The following ESRRB variants were observed in gnomAD, a reference collection of about 807,000 sequenced individuals.
ESRRB encodes steroid hormone receptor ERR2.
A neutral mutation model predicts 46.0 loss-of-function variants in ESRRB; 16 were observed. The ratio of observed to expected loss-of-function variants is 0.35; its 90% CI spans 0.24 to 0.53. The LOEUF (loss-of-function observed/expected upper bound fraction) is 0.53, where lower values mean the gene tolerates loss of function less well. Ranked by LOEUF, ESRRB falls within the 20% of genes least tolerant of loss-of-function variation. The pLI, the probability that ESRRB is intolerant of heterozygous loss-of-function variation, is 0.93. For synonymous variants in ESRRB, 246 were observed against 259.6 expected (o/e 0.95, Z 0.50); for missense variants, 488 against 607.4 (o/e 0.80, Z 2.07).
chr14:76,400,069 G>A (rs1566877020), intron 1 of ESRRB, among the ~76,000 whole-genome samples: 1 of 152,194 alleles, frequency 6.6e-6, no homozygotes, highest in Non-Finnish European at 1.5e-5. Context: ...CTTTGGCTGG[G>A]AGGGCCGAAT....
At chr14:76,478,416 C>T (rs1889667055) in intron 3 of ESRRB, among the ~76,000 whole-genome samples, 1 of 148,354 alleles carries the variant, frequency 6.7e-6, no homozygotes, top group South Asian at 2.2e-4. Context: ...CATCTCCTTG[C>T]CTTGCCGAGG....
chr14:76,498,462 C>A lies in ESRRB; in HGVS notation c.*4C>A. 6.2e-7 allele frequency: 1 copy of A among 1,613,212 alleles called. No individual in the cohort carries two copies. The highest frequency in any genetic ancestry group is 8.5e-7 in the Non-Finnish European group (1 of 1,180,004). On this transcript the variant is annotated 3_prime_UTR_variant, in exon 7 of 7. Coordinates refer to ENST00000644823, the MANE Select transcript of ESRRB (RefSeq NM_001379180.1). ...GATGCTGGAGGCCAAGGTGTGATGG[C>A]CCCGCACACGGACCAATGCCCACCT...
At chr14:76,361,692 G>A (rs1348758488) in intron 1 of ESRRB, among the ~76,000 whole-genome samples, 2 of 152,218 alleles carry the variant, frequency 1.3e-5, no homozygotes, top group Non-Finnish European at 2.9e-5. Flanking sequence ...CTGAATCACA[G>A]TGAAGACTCA....
intron 3 of ESRRB, among the ~76,000 whole-genome samples, chr14:76,470,019 C>T (rs1166974188): frequency 7.5e-6 from 1 of 132,780 alleles, no homozygotes; most frequent in Non-Finnish European, 1.5e-5. Context: ...ACAATCTTGG[C>T]TCACTGCAAC....
intron 1 of ESRRB, among the ~76,000 whole-genome samples, chr14:76,401,898 G>A (rs1006507042): frequency 2.0e-5 from 3 of 152,146 alleles, no homozygotes; most frequent in African/African-American, 7.2e-5. Context: ...TATGGAAGCC[G>A]ACAAGTCCCA....
chr14:76,352,056 G>A (rs1029962174), intron 1 of ESRRB, among the ~76,000 whole-genome samples: 4 of 150,330 alleles, frequency 2.7e-5, no homozygotes, highest in South Asian at 2.1e-4. Flanking sequence ...TGTCCTGTTC[G>A]CTGTTGAGTC....
intron 3 of ESRRB, 118 bp from the exon 4 acceptor site, chr14:76,481,898 G>A (rs776796635): frequency 1.7e-5 from 15 of 900,786 alleles, no homozygotes; most frequent in Non-Finnish European, 2.1e-5. Flanking sequence ...GGCAGCTGTC[G>A]AAGGTCATCC....
rs1356258956 is a variant in ESRRB, at chr14:76,485,532, G to A, written c.850+2773G>A. ...GCTGGGATTATAGGCGTGAGCCACC[G>A]TGCCTGGCCAGGTGCCTGATATTTT... On this transcript the variant is annotated intron_variant, in intron 5 of 6. Transcript: ENST00000644823. Among the ~76,000 whole-genome samples the A allele has an allele frequency of 3.9e-5, 6 of 151,968 alleles. No individual in the cohort carries two copies. In the East Asian group the frequency reaches 7.7e-4, roughly 20 times the overall value.
chr14:76,468,412 C>A (rs1342444135), intron 3 of ESRRB, among the ~76,000 whole-genome samples: 1 of 128,852 alleles, frequency 7.8e-6, no homozygotes, highest in African/African-American at 2.8e-5. Flanking sequence ...ACACCACCAC[C>A]CCCCAAACAC....
chr14:76,316,287 C>G (rs1340678666), intron 1 of ESRRB, among the ~76,000 whole-genome samples: 1 of 152,216 alleles, frequency 6.6e-6, no homozygotes, highest in African/African-American at 2.4e-5. Flanking sequence ...GCAATGCTCT[C>G]TCTTCCTTTT....
chr14:76,411,382 A>C (rs1212686833), intron 1 of ESRRB, among the ~76,000 whole-genome samples: 6 of 152,062 alleles, frequency 3.9e-5, no homozygotes, highest in Non-Finnish European at 7.4e-5. Flanking sequence ...TGGGAGAAAG[A>C]GGATGCAGTG....
chr14:76,316,285 C>T, intron 1 of ESRRB, among the ~76,000 whole-genome samples: 1 of 152,188 alleles, frequency 6.6e-6, no homozygotes, highest in Non-Finnish European at 1.5e-5. Context: ...AGGCAATGCT[C>T]TCTCTTCCTT....
In ESRRB at chr14:76,326,571, G is replaced by A. The variant is rs1883932410; in HGVS notation, c.2+15655G>A. 2.6e-5 allele frequency among the ~76,000 whole-genome samples: 4 copies of A among 152,194 alleles called. No homozygotes were observed. The South Asian group carries it at 8.3e-4, about 31-fold the overall frequency. On this transcript the variant is annotated intron_variant, in intron 1 of 6. Transcript: ENST00000512784. ...TAGCTAAAGTTCATGGACAGTGAGTGTTGCTGGCGTTTGTGGACACAAAAG... is the reference window on the plus strand; with the variant it reads ...TAGCTAAAGTTCATGGACAGTGAGTATTGCTGGCGTTTGTGGACACAAAAG...
intron 1 of ESRRB, among the ~76,000 whole-genome samples, chr14:76,428,885 C>T (rs779414507): frequency 7.9e-5 from 12 of 152,184 alleles, no homozygotes; most frequent in Non-Finnish European, 1.5e-4. Context: ...CTGGTTTTGA[C>T]TAATCTTTCT....
chr14:76,403,020 G>C (rs1358928179), intron 1 of ESRRB, among the ~76,000 whole-genome samples: 1 of 152,026 alleles, frequency 6.6e-6, no homozygotes, highest in East Asian at 1.9e-4. Context: ...CAAACTCCTG[G>C]GCTCAAGCAA....
intron 3 of ESRRB, among the ~76,000 whole-genome samples, chr14:76,469,878 A>G (rs1889284851): frequency 6.6e-6 from 1 of 151,340 alleles, no homozygotes; most frequent in Non-Finnish European, 1.5e-5. Context: ...AGATCCAGAA[A>G]TACACTTATA....
intron 1 of ESRRB, among the ~76,000 whole-genome samples, chr14:76,437,791 C>A (rs1428196959): frequency 6.6e-6 from 1 of 152,168 alleles, no homozygotes; most frequent in Non-Finnish European, 1.5e-5. Context: ...TCTTTCTTGT[C>A]CATGTTGAGA....
At position 76,482,429 on chromosome 14, in the gene ESRRB, C is replaced by G. The variant is rs150825914; in HGVS notation, c.689-169C>G. 2.2e-3 allele frequency among the ~76,000 whole-genome samples: 330 copies of G among 152,294 alleles called. 2 individuals carry two copies. The highest frequency in any genetic ancestry group is 7.6e-3 in the African/African-American group (316 of 41,560). Reference sequence around the variant, plus strand: ...AGGGATATTTCTCAACAGCCCAGATCACCACTACCAGCAACTTCATGGAGC... The same window carrying G: ...AGGGATATTTCTCAACAGCCCAGATGACCACTACCAGCAACTTCATGGAGC... On this transcript the variant is annotated intron_variant, in intron 4 of 6. Coordinates refer to ENST00000644823, the MANE Select transcript of ESRRB (RefSeq NM_001379180.1). The surrounding 1 kb of genome is among the most constrained non-coding windows in gnomAD (Gnocchi z 4.3).
intron 1 of ESRRB, among the ~76,000 whole-genome samples, chr14:76,433,146 C>T (rs867742510): frequency 6.6e-6 from 1 of 152,142 alleles, no homozygotes; most frequent in African/African-American, 2.4e-5. Context: ...CCTGTAGAGA[C>T]GCTTCTTCAA....
Sources: gnomAD v4.1 joint callset for allele counts (sites outside exome capture counted in the v4.1 genomes callset) on GRCh38, gnomAD v4.1.1 for gene constraint, Gnocchi (gnomAD v3.1) non-coding constraint, MANE v1.5 for transcripts, NCBI Gene and HGNC (gene_info 2026-07-23, HGNC 2026-07-21) for gene names.